HAPLN2: variants seen among roughly 807,000 people sequenced by gnomAD.
The protein encoded by HAPLN2 is hyaluronan and proteoglycan link protein 2.
A neutral mutation model predicts 29.3 loss-of-function variants in HAPLN2; 27 were observed. That is an observed-to-expected ratio of 0.92 (90% CI 0.68 to 1.27). The LOEUF (loss-of-function observed/expected upper bound fraction) is 1.27, where lower values mean the gene tolerates loss of function less well. Among genes scored for constraint, HAPLN2 ranks in the 50% most tolerant of loss-of-function variants. The probability of loss-of-function intolerance (pLI) is 0.00; values close to 1 mark genes in which losing one functional copy is unlikely to be tolerated. For synonymous variants in HAPLN2, 208 were observed against 211.7 expected (o/e 0.98, Z 0.15); for missense variants, 454 against 484.3 (o/e 0.94, Z 0.59).
the HAPLN2 span, among the ~76,000 whole-genome samples, chr1:156,603,921 C>T: frequency 6.6e-6 from 1 of 152,180 alleles, no homozygotes; most frequent in Non-Finnish European, 1.5e-5. Context: ...AGATGAGAAG[C>T]ATCTGACCCA....
In HAPLN2 at chr1:156,624,658, G is replaced by A. The variant is rs1488002618; in HGVS notation, c.614G>A (p.Arg205His). ...GGCTGGCTGCTCGAGGGCTCCGTGCGCTACCCTGTGCTCACCGCACGCGCC... is the reference window on the plus strand; with the variant it reads ...GGCTGGCTGCTCGAGGGCTCCGTGCACTACCCTGTGCTCACCGCACGCGCC... ...NAGWLLEGSVRYPVLTARAPC... is the reference protein window; with the variant it reads ...NAGWLLEGSVHYPVLTARAPC... The change falls in exon 6 of 7, where the codon CGC (arginine) becomes CAC (histidine). Residue 205 changes from arginine (R) to histidine (H), a missense_variant. Coordinates refer to ENST00000255039, the MANE Select transcript of HAPLN2 (RefSeq NM_021817.3). The A allele has an allele frequency of 2.5e-6, 4 of 1,610,106 alleles. No homozygotes were observed. The highest frequency in any genetic ancestry group is 1.3e-5 in the African/African-American group (1 of 74,986).
the HAPLN2 span, among the ~76,000 whole-genome samples, chr1:156,612,043 A>T: frequency 9.2e-5 from 14 of 151,976 alleles, no homozygotes; most frequent in Non-Finnish European, 1.5e-5. Flanking sequence ...TTTGAGACGG[A>T]GTTTTGTTCT....
At position 156,624,141 on chromosome 1, in the gene HAPLN2, G is replaced by A. The variant is rs769335710; in HGVS notation, c.420G>A (p.Ala140=). Reference sequence around the variant, plus strand: ...ACGGCATCGAGGACGAGAGCGTGGCGCTGACCTTGAGCTTGGAGGGTGAGG... The same window carrying A: ...ACGGCATCGAGGACGAGAGCGTGGCACTGACCTTGAGCTTGGAGGGTGAGG... The part of the protein sequence containing the change: ...LINGIEDESV[A]LTLSLEGVVF... Residue 140 remains alanine (A), a synonymous_variant, in exon 4 of 7, where the codon GCG becomes GCA. Transcript: ENST00000255039. 6.2e-7 allele frequency: 1 copy of A among 1,613,392 alleles called. No homozygotes were observed.
the HAPLN2 span, among the ~76,000 whole-genome samples, chr1:156,606,387 T>A: frequency 7.1e-6 from 1 of 140,298 alleles, no homozygotes; most frequent in South Asian, 2.4e-4. Flanking sequence ...GTTGTGCCAC[T>A]GTGCTTCAGC....
chr1:156,607,325 C>A, the HAPLN2 span, among the ~76,000 whole-genome samples: 7 of 152,006 alleles, frequency 4.6e-5, no homozygotes, highest in African/African-American at 1.7e-4. Flanking sequence ...ACTAAAAATA[C>A]AAAAATTAGC....
In HAPLN2 at chr1:156,625,036, C is replaced by G. The variant is rs1485168374; in HGVS notation, c.740-65C>G. On this transcript the variant is annotated intron_variant, in intron 6 of 6. Coordinates refer to ENST00000255039, the MANE Select transcript of HAPLN2 (RefSeq NM_021817.3). The surrounding 1 kb of genome is among the most constrained non-coding windows in gnomAD (Gnocchi z 5.7). ...GCGGTCCCGCACCCCAACTCCGCCT[C>G]CTGGGTGTCAGCCGCCCCTCTCCGC... 1 of 1,507,680 alleles carries G rather than the reference C, an allele frequency of 6.6e-7. No homozygotes were observed. Among genetic ancestry groups the G allele is most frequent in the Non-Finnish European group, 8.8e-7 (1 of 1,132,036 alleles). The allele number at this position is 1,507,680 out of a possible 1,614,324, so 93.4% of individuals were successfully genotyped here.
rs1553235342 is a variant in HAPLN2 at position 156,623,045 on chromosome 1, T to TAAAAAAAAAAAA, written c.-24-419_-24-418insAAAAAAAAAAAA. 6.8e-5 allele frequency among the ~76,000 whole-genome samples: 7 copies of TAAAAAAAAAAAA among 102,960 alleles called. 1 individual carries two copies. In the South Asian group the frequency reaches 3.0e-3, roughly 45 times the overall value. The allele number at this position is 102,960 out of a possible 152,430, so 67.5% of individuals were successfully genotyped here. ...CAACACTCTGTCTCAAAAAAATAAA[T>TAAAAAAAAAAAA]AAATAAATAAATAAATAAATAAATA... On this transcript the variant is annotated intron_variant, in intron 2 of 6. Coordinates refer to ENST00000255039, the MANE Select transcript of HAPLN2 (RefSeq NM_021817.3).
chr1:156,621,360 C>T (rs1427205959), intron 2 of HAPLN2, among the ~76,000 whole-genome samples: 1 of 151,930 alleles, frequency 6.6e-6, no homozygotes. Flanking sequence ...CCGCCTCAGC[C>T]TTCCAGTGTT....
chr1:156,613,120 G>T, the HAPLN2 span, among the ~76,000 whole-genome samples: 2 of 152,116 alleles, frequency 1.3e-5, no homozygotes, highest in Non-Finnish European at 2.9e-5. Flanking sequence ...GGAGGCCGAG[G>T]CAGGCGGATT....
At chr1:156,615,625 C>G (rs1431654812), upstream of HAPLN2, among the ~76,000 whole-genome samples, 1 of 148,086 alleles carries the variant, frequency 6.8e-6, no homozygotes, top group Non-Finnish European at 1.5e-5. Context: ...GGCTGGAGTG[C>G]AGTGGTGCGA....
At chr1:156,607,213 T>C in the HAPLN2 span, among the ~76,000 whole-genome samples, 1 of 152,186 alleles carries the variant, frequency 6.6e-6, no homozygotes, top group Middle Eastern at 3.2e-3. Context: ...TTCAGGAAAG[T>C]GATTTTAAAA....
upstream of HAPLN2, among the ~76,000 whole-genome samples, chr1:156,618,847 C>T (rs114953156): frequency 0.013 from 1,889 of 150,184 alleles, 44 homozygotes; most frequent in African/African-American, 0.044. Flanking sequence ...GATTAAGGAT[C>T]CCCTTCTGAG....
chr1:156,611,775 T>G, the HAPLN2 span, among the ~76,000 whole-genome samples: 2 of 152,208 alleles, frequency 1.3e-5, no homozygotes, highest in African/African-American at 4.8e-5. Flanking sequence ...ACTGTTCTGC[T>G]TATCAATGCT....
chr1:156,604,293 C>CTTTTTTTTT, the HAPLN2 span, among the ~76,000 whole-genome samples: 1 of 147,020 alleles, frequency 6.8e-6, no homozygotes, highest in Non-Finnish European at 1.5e-5. Flanking sequence ...TTGAAGAATT[C>CTTTTTTTTT]TTTTTTTTTT....
At chr1:156,601,726 C>G in the HAPLN2 span, among the ~76,000 whole-genome samples, 1 of 151,912 alleles carries the variant, frequency 6.6e-6, no homozygotes, top group Admixed American at 6.5e-5. Context: ...AACGGCTCCG[C>G]GTCCTACACT....
chr1:156,624,929 T>A, intron 6 of HAPLN2, 146 bp downstream of exon 6: 2 of 357,384 alleles, frequency 5.6e-6, no homozygotes, highest in Non-Finnish European at 7.6e-6. Flanking sequence ...CCGCCCAGGC[T>A]CCAGCTCACC....
At chr1:156,608,957 A>G in the HAPLN2 span, among the ~76,000 whole-genome samples, 1 of 152,242 alleles carries the variant, frequency 6.6e-6, no homozygotes, top group African/African-American at 2.4e-5. Flanking sequence ...GGGGCAGTAT[A>G]GAAAACACCA....
chr1:156,616,137 G>C (rs576961280), upstream of HAPLN2, among the ~76,000 whole-genome samples: 1 of 151,832 alleles, frequency 6.6e-6, no homozygotes, highest in East Asian at 1.9e-4. Flanking sequence ...GTGGAAGCGA[G>C]TGTGGGTGTT....
chr1:156,611,865 C>CT, the HAPLN2 span, among the ~76,000 whole-genome samples: 1 of 152,004 alleles, frequency 6.6e-6, no homozygotes, highest in Non-Finnish European at 1.5e-5. Context: ...GGATATGGAA[C>CT]TTTTTTGTTA....
Sources: gnomAD v4.1 joint callset for allele counts (sites outside exome capture counted in the v4.1 genomes callset) on GRCh38, gnomAD v4.1.1 for gene constraint, Gnocchi (gnomAD v3.1) non-coding constraint, MANE v1.5 for transcripts, NCBI Gene and HGNC (gene_info 2026-07-23, HGNC 2026-07-21) for gene names.